The following GABRG3 variants were observed in gnomAD, a reference collection of about 807,000 sequenced individuals.
GABRG3 encodes the protein gamma-aminobutyric acid type A receptor subunit gamma3, also known as gamma-aminobutyric acid receptor subunit gamma-3.
Under a neutral mutation model 48.8 loss-of-function variants are expected in GABRG3, and 25 were observed. The observed-to-expected ratio is 0.51, with a 90% CI of 0.37 to 0.72. GABRG3 has a LOEUF of 0.72. Ranked by LOEUF, GABRG3 falls within the 30% of genes least tolerant of loss-of-function variation. The pLI is 0.00. For synonymous variants in GABRG3, 227 were observed against 217.6 expected (o/e 1.04, Z -0.38); for missense variants, 394 against 577.9 (o/e 0.68, Z 3.26).
At position 27,532,724 on chromosome 15, in the gene GABRG3, G is replaced by A. The variant is rs1308480721; in HGVS notation, c.1247G>A (p.Ser416Asn). The A allele has an allele frequency of 1.2e-6, 2 of 1,614,034 alleles. No individual in the cohort carries two copies. Among genetic ancestry groups the A allele is most frequent in the Non-Finnish European group, 8.5e-7 (1 of 1,179,890 alleles). ...TGTCTGGATGGCAAAGACTGTCAGA[G>A]CTTCTTCTGCTGCTATGAAGAATGT... is the stretch of plus-strand genomic sequence containing the variant. ...YECLDGKDCQ[S>N]FFCCYEECKS... The change falls in exon 10 of 10, where the codon AGC (serine) becomes AAC (asparagine). Residue 416 changes from serine (S) to asparagine (N), a missense_variant. Physicochemically the swap from Ser to Asn is conservative, Grantham distance 46. Around this residue, in one of 3 missense-constraint regions of GABRG3, gnomAD observed 126 missense variants for 155.5 expected, o/e 0.81. Coordinates refer to ENST00000615808, the MANE Select transcript of GABRG3 (RefSeq NM_033223.5).
chr15:27,157,267 T>C (rs777560435), intron 3 of GABRG3, among the ~76,000 whole-genome samples: 65 of 152,330 alleles, frequency 4.3e-4, no homozygotes, highest in Middle Eastern at 3.4e-3. Context: ...TTATCTAGCG[T>C]TAAACAAATC....
chr15:27,268,425 T>G (rs1890986254), intron 3 of GABRG3, among the ~76,000 whole-genome samples: 1 of 152,218 alleles, frequency 6.6e-6, no homozygotes, highest in Admixed American at 6.5e-5. Context: ...CTCTTTTTCC[T>G]GCTCAGTCTG....
intron 4 of GABRG3, among the ~76,000 whole-genome samples, chr15:27,328,411 C>G (rs538735125): frequency 1.3e-5 from 2 of 152,334 alleles, no homozygotes; most frequent in East Asian, 3.9e-4. Context: ...GAAATCCCCC[C>G]CGATGCGTGC....
chr15:27,302,169 A>T (rs970856234), intron 3 of GABRG3, among the ~76,000 whole-genome samples: 3 of 152,122 alleles, frequency 2.0e-5, no homozygotes, highest in Non-Finnish European at 2.9e-5. Context: ...ATTCTTCAAA[A>T]TATGTTTGAT....
At chr15:27,320,447 G>T (rs1396238845) in intron 3 of GABRG3, among the ~76,000 whole-genome samples, 1 of 152,124 alleles carries the variant, frequency 6.6e-6, no homozygotes, top group Non-Finnish European at 1.5e-5. Context: ...CCCACAGCTT[G>T]TGTGTGGGAG....
chr15:27,058,598 T>C (rs1051231797), intron 3 of GABRG3, among the ~76,000 whole-genome samples: 3 of 152,132 alleles, frequency 2.0e-5, no homozygotes, highest in African/African-American at 7.2e-5. Context: ...CTGGTCATTG[T>C]TTTGATTTGT....
intron 3 of GABRG3, among the ~76,000 whole-genome samples, chr15:27,234,866 T>C (rs1241497941): frequency 1.3e-5 from 2 of 151,946 alleles, no homozygotes; most frequent in Non-Finnish European, 2.9e-5. Context: ...GCCCAGATGG[T>C]GAGAGGGGCC....
intron 3 of GABRG3, among the ~76,000 whole-genome samples, chr15:27,033,381 A>G (rs909593814): frequency 5.3e-5 from 8 of 152,138 alleles, no homozygotes; most frequent in Non-Finnish European, 5.9e-5. Context: ...CATCCTAGCC[A>G]TGCATCCTTG....
chr15:27,351,582 TGTGTGTGTATGGC>T (rs1163206380), intron 5 of GABRG3, among the ~76,000 whole-genome samples: 2 of 149,734 alleles, frequency 1.3e-5, no homozygotes, highest in Admixed American at 1.3e-4. Flanking sequence ...GTGTGTATGG[TGTGTGTGTATGGC>T]GTTTGTGTGT....
intron 3 of GABRG3, among the ~76,000 whole-genome samples, chr15:27,187,498 A>T (rs1321692385): frequency 6.6e-6 from 1 of 152,184 alleles, no homozygotes; most frequent in Non-Finnish European, 1.5e-5. Context: ...CACTTTGAGC[A>T]GTATGGCCAT....
intron 3 of GABRG3, chr15:27,161,318 C>G (rs62002623): frequency 6.6e-6 from 1 of 152,118 alleles, no homozygotes; most frequent in Non-Finnish European, 1.5e-5. Flanking sequence ...CATTGTTACA[C>G]TGTAGGCATT....
chr15:27,505,665 C>T (rs1166511483), intron 6 of GABRG3, among the ~76,000 whole-genome samples: 1 of 152,086 alleles, frequency 6.6e-6, no homozygotes, highest in African/African-American at 2.4e-5. Context: ...TAGTTAGATT[C>T]AATTTGCTAT....
At chr15:27,413,028 G>A (rs1346567504) in intron 5 of GABRG3, among the ~76,000 whole-genome samples, 1 of 152,038 alleles carries the variant, frequency 6.6e-6, no homozygotes, top group Non-Finnish European at 1.5e-5. Context: ...TATTTTTAAT[G>A]TGTTTTGTCT....
At chr15:27,294,661 C>G (rs1198553539) in intron 3 of GABRG3, among the ~76,000 whole-genome samples, 1 of 152,148 alleles carries the variant, frequency 6.6e-6, no homozygotes, top group Non-Finnish European at 1.5e-5. Context: ...CAGGCTGTAG[C>G]TGGGACTTCC....
chr15:27,387,865 A>AGGAG (rs138324674), intron 5 of GABRG3, among the ~76,000 whole-genome samples: 1 of 39,128 alleles, frequency 2.6e-5, no homozygotes, highest in East Asian at 1.1e-3. Flanking sequence ...GAAGGGAGGA[A>AGGAG]GGAGGGAGGG....
Position 27,021,821 on chromosome 15 carries a change from C to T in GABRG3, c.203-4933C>T, listed in dbSNP as rs533309321. Reference sequence around the variant, plus strand: ...TTGCACCACTGCACTCCAGCGTGGGCAACAGAGCAAGACCCTGCCTCAAAA... The same window carrying T: ...TTGCACCACTGCACTCCAGCGTGGGTAACAGAGCAAGACCCTGCCTCAAAA... On this transcript the variant is annotated intron_variant, in intron 2 of 9. Coordinates refer to ENST00000615808, the MANE Select transcript of GABRG3 (RefSeq NM_033223.5). Among the ~76,000 whole-genome samples the T allele has an allele frequency of 2.4e-4, 37 of 152,262 alleles. No homozygotes were observed. The East Asian group carries it at 6.8e-3, about 28-fold the overall frequency.
chr15:27,233,914 T>A (rs1380226515), intron 3 of GABRG3, among the ~76,000 whole-genome samples: 1 of 152,222 alleles, frequency 6.6e-6, no homozygotes, highest in African/African-American at 2.4e-5. Flanking sequence ...TTATATTTTA[T>A]ACCTAATTAT....
rs1193703470 is a variant in GABRG3 at position 26,977,114 on chromosome 15, A to C, written c.166A>C (p.Arg56=). The C allele has an allele frequency of 6.2e-7, 1 of 1,613,818 alleles. No homozygotes were observed. Among genetic ancestry groups the C allele is most frequent in the Admixed American group, 1.7e-5 (1 of 59,974 alleles). The change falls in exon 2 of 10, where the codon AGA becomes CGA. Residue 56 remains arginine (R), a synonymous_variant. Transcript: ENST00000615808. ...GACTCTTATTCTCAACAAGTTGCTAAGAGAATATGATAAAAAGCTGAGGCC... is the reference window on the plus strand; with the variant it reads ...GACTCTTATTCTCAACAAGTTGCTACGAGAATATGATAAAAAGCTGAGGCC... The part of the protein sequence containing the change: ...DVTLILNKLL[R]EYDKKLRPDI...
chr15:27,004,166 G>C (rs1457196049), intron 2 of GABRG3, among the ~76,000 whole-genome samples: 3 of 151,158 alleles, frequency 2.0e-5, no homozygotes, highest in Non-Finnish European at 4.4e-5. Flanking sequence ...TGGCTGCCGG[G>C]CGGAGAGGCT....
Sources: gnomAD v4.1 joint callset for allele counts (sites outside exome capture counted in the v4.1 genomes callset) on GRCh38, gnomAD v4.1.1 for gene constraint, gnomAD v4.1.1 regional missense constraint, MANE v1.5 for transcripts, NCBI Gene and HGNC (gene_info 2026-07-23, HGNC 2026-07-21) for gene names.